Variants in SHTN1 observed in about 807,000 individuals in gnomAD.
SHTN1 encodes shootin 1, also known as shootin-1.
A neutral mutation model predicts 83.1 loss-of-function variants in SHTN1; 42 were observed. The ratio of observed to expected loss-of-function variants is 0.51; its 90% CI spans 0.39 to 0.65. The LOEUF (loss-of-function observed/expected upper bound fraction) is 0.65. Among genes scored for constraint, SHTN1 ranks in the 30% least tolerant of loss-of-function variants. SHTN1 has a pLI of 0.00. For synonymous variants in SHTN1, 224 were observed against 247.7 expected (o/e 0.90, Z 0.90); for missense variants, 622 against 737.8 (o/e 0.84, Z 1.82).
chr10:117,026,739 C>T (rs1852338025), intron 2 of SHTN1, among the ~76,000 whole-genome samples: 2 of 152,212 alleles, frequency 1.3e-5, no homozygotes. Context: ...AGATAGACTT[C>T]TAAGGCTTTT....
In SHTN1 at chr10:117,043,397, G is replaced by A. The variant is rs557002097; in HGVS notation, c.-123+5048C>T. On this transcript the variant is annotated intron_variant, in intron 2 of 17. Coordinates refer to the SHTN1 transcript ENST00000392901. ...ACAGATATGTTAGTTTAGAAAGATGGAAAAAGTTCTGGAGACCAATGGTGG... is the reference window on the plus strand; with the variant it reads ...ACAGATATGTTAGTTTAGAAAGATGAAAAAAGTTCTGGAGACCAATGGTGG... Among the ~76,000 whole-genome samples, 90 of 152,250 alleles carry A rather than the reference G, an allele frequency of 5.9e-4. 2 individuals are homozygous for A. In the South Asian group the frequency reaches 0.018, roughly 30 times the overall value.
At chr10:116,963,973 G>GGT (rs1554920670) in intron 3 of SHTN1, among the ~76,000 whole-genome samples, 2 of 146,128 alleles carry the variant, frequency 1.4e-5, no homozygotes. Context: ...TAGGGTAACT[G>GGT]TTTTTTTTTT....
chr10:117,028,837 C>T (rs906464634), intron 2 of SHTN1, among the ~76,000 whole-genome samples: 1 of 152,130 alleles, frequency 6.6e-6, no homozygotes, highest in Non-Finnish European at 1.5e-5. Context: ...GGGGTGGAGC[C>T]CTCATGGAGA....
At chr10:116,953,189 C>T (rs950608058) in intron 5 of SHTN1, among the ~76,000 whole-genome samples, 3 of 152,218 alleles carry the variant, frequency 2.0e-5, no homozygotes, top group African/African-American at 4.8e-5. Context: ...TGAGCCAGAA[C>T]TGCTTTCCTA....
rs114739521 is a variant in SHTN1 at position 117,052,330 on chromosome 10, A to G, written c.-188-3820T>C. Reference sequence around the variant, plus strand: ...ATGTTCATGTACTAGAAGACTTACTATTGTTAAGATGGCAGTGTTCCCCAA... The same window carrying G: ...ATGTTCATGTACTAGAAGACTTACTGTTGTTAAGATGGCAGTGTTCCCCAA... On this transcript the variant is annotated intron_variant, in intron 1 of 17. Coordinates refer to the SHTN1 transcript ENST00000392901. 5.2e-3 allele frequency among the ~76,000 whole-genome samples: 788 copies of G among 152,166 alleles called. 10 individuals are homozygous for G. The highest frequency in any genetic ancestry group is 0.018 in the African/African-American group (743 of 41,524).
intron 4 of SHTN1, among the ~76,000 whole-genome samples, chr10:116,956,590 T>C (rs1342249157): frequency 6.6e-6 from 1 of 152,216 alleles, no homozygotes; most frequent in Non-Finnish European, 1.5e-5. Context: ...TTCAAAGTAT[T>C]CATTTAGGCA....
chr10:116,908,922 G>C (rs988468739), intron 14 of SHTN1, among the ~76,000 whole-genome samples: 8 of 152,124 alleles, frequency 5.3e-5, no homozygotes, highest in Admixed American at 3.9e-4. Context: ...GCTAACATAT[G>C]AGTAAACTTT....
chr10:117,055,536 A>G (rs1852815128), intron 1 of SHTN1, among the ~76,000 whole-genome samples: 1 of 150,970 alleles, frequency 6.6e-6, no homozygotes, highest in African/African-American at 2.5e-5. Flanking sequence ...GTTGCACAAC[A>G]CTGTGAGTGT....
intron 3 of SHTN1, among the ~76,000 whole-genome samples, chr10:116,968,178 C>T (rs555833710): frequency 6.6e-6 from 1 of 152,128 alleles, no homozygotes; most frequent in South Asian, 2.1e-4. Context: ...GAGACTCCAT[C>T]TCAAAAAAAC....
At chr10:116,900,061 A>C (rs1272675609) in intron 16 of SHTN1, among the ~76,000 whole-genome samples, 1 of 152,264 alleles carries the variant, frequency 6.6e-6, no homozygotes, top group Non-Finnish European at 1.5e-5. Flanking sequence ...CAGAATTCTC[A>C]GATTCAATCT....
chr10:117,050,840 A>G (rs10886033), intron 1 of SHTN1, among the ~76,000 whole-genome samples: 134,875 of 152,108 alleles, frequency 0.89, 61,131 homozygotes, highest in Non-Finnish European at 0.98. Flanking sequence ...CATCACTTGA[A>G]CCCAGGAGTT....
At chr10:116,927,030 G>A (rs987868331) in intron 11 of SHTN1, among the ~76,000 whole-genome samples, 6 of 152,110 alleles carry the variant, frequency 3.9e-5, no homozygotes, top group Non-Finnish European at 5.9e-5. Context: ...TCTTATGGAC[G>A]GTTCCTCTCT....
intron 2 of SHTN1, among the ~76,000 whole-genome samples, chr10:117,012,607 G>T (rs1184297589): frequency 6.6e-6 from 1 of 151,862 alleles, no homozygotes; most frequent in Non-Finnish European, 1.5e-5. Flanking sequence ...ACTCAAAATG[G>T]ATAATAGACC....
At chr10:117,095,684 C>A (rs1411452575) in intron 1 of SHTN1, among the ~76,000 whole-genome samples, 1 of 152,108 alleles carries the variant, frequency 6.6e-6, no homozygotes, top group Admixed American at 6.5e-5. Context: ...AAAAAAGTTT[C>A]ATTTTTTTCC....
At chr10:117,065,728 GAAAGAAAGAAAGAAAGA>G (rs1564947166) in intron 1 of SHTN1, among the ~76,000 whole-genome samples, 2 of 7,348 alleles carry the variant, frequency 2.7e-4, no homozygotes, top group African/African-American at 5.2e-4. Flanking sequence ...AGAGAGAGAT[GAAAGAAAGAAAGAAAGA>G]AAGAAAGAAA....
At chr10:117,118,825 A>G (rs1417215664) in intron 1 of SHTN1, among the ~76,000 whole-genome samples, 2 of 152,196 alleles carry the variant, frequency 1.3e-5, no homozygotes, top group African/African-American at 2.4e-5. Context: ...GAGCTAATGG[A>G]TTCCGTGCTT....
rs940103550 is a variant in SHTN1 at position 117,124,147 on chromosome 10, G to A, written c.-189+2160C>T. 7.3e-5 allele frequency among the ~76,000 whole-genome samples: 11 copies of A among 150,860 alleles called. No individual in the cohort carries two copies. The East Asian group carries it at 1.6e-3, about 22-fold the overall frequency. ...GGTCCCTTGAGCCTGGGAGGTTGAA[G>A]CTGCAGTGAGCCATGATCTGCACCA... On this transcript the variant is annotated intron_variant, in intron 1 of 17. Coordinates refer to the SHTN1 transcript ENST00000392901.
chr10:116,913,449 C>T (rs1465593328), intron 13 of SHTN1, among the ~76,000 whole-genome samples: 1 of 152,220 alleles, frequency 6.6e-6, no homozygotes, highest in Non-Finnish European at 1.5e-5. Flanking sequence ...TGTTCAGTTG[C>T]TTCCCAGATT....
intron 2 of SHTN1, among the ~76,000 whole-genome samples, chr10:116,970,907 G>C (rs192938225): frequency 1.9e-4 from 29 of 152,178 alleles, no homozygotes; most frequent in Admixed American, 1.8e-3. Context: ...GAAACAGGGA[G>C]GGGAATGGGA....
Sources: gnomAD v4.1 joint callset for allele counts (sites outside exome capture counted in the v4.1 genomes callset) on GRCh38, gnomAD v4.1.1 for gene constraint, MANE v1.5 for transcripts, NCBI Gene and HGNC (gene_info 2026-07-23, HGNC 2026-07-21) for gene names.